TMEM132D: variants seen among roughly 807,000 people sequenced by gnomAD.
TMEM132D encodes transmembrane protein 132D, also known as mature OL transmembrane protein.
TMEM132D carries 21 observed loss-of-function variants against 62.3 expected under a neutral mutation model. The observed-to-expected ratio is 0.34, with a 90% confidence interval of 0.24 to 0.49. The LOEUF is 0.49. TMEM132D is among the 20% of genes least tolerant of loss of function. The pLI, the probability that TMEM132D is intolerant of heterozygous loss-of-function variation, is 0.99. For missense variants in TMEM132D, 1,346 were observed against 1,402.8 expected (o/e 0.96, Z 0.65); for synonymous variants, 621 against 575.6 (o/e 1.08, Z -1.13).
At chr12:129,184,667 G>C (rs951594784) in intron 5 of TMEM132D, among the ~76,000 whole-genome samples, 4 of 152,234 alleles carry the variant, frequency 2.6e-5, no homozygotes, top group Non-Finnish European at 4.4e-5. Context: ...TACAACTTGC[G>C]CTCTGGCGCC....
At chr12:129,890,604 A>G (rs528029612) in intron 1 of TMEM132D, among the ~76,000 whole-genome samples, 1 of 152,328 alleles carries the variant, frequency 6.6e-6, no homozygotes, top group East Asian at 1.9e-4. Flanking sequence ...AGAGATTTCT[A>G]AAGAGTTACA....
chr12:129,481,430 T>C (rs1593030927), intron 3 of TMEM132D, among the ~76,000 whole-genome samples: 1 of 141,600 alleles, frequency 7.1e-6, no homozygotes, highest in Admixed American at 7.5e-5. Flanking sequence ...ACCACTGCAC[T>C]CCAGCCCGGG....
At chr12:129,672,153 A>G (rs1593114236) in intron 2 of TMEM132D, among the ~76,000 whole-genome samples, 1 of 152,224 alleles carries the variant, frequency 6.6e-6, no homozygotes, top group African/African-American at 2.4e-5. Flanking sequence ...GTTGGTAAGC[A>G]CCAAGCCAGC....
chr12:129,332,584 T>C (rs1389886173), intron 4 of TMEM132D, among the ~76,000 whole-genome samples: 1 of 152,216 alleles, frequency 6.6e-6, no homozygotes, highest in Non-Finnish European at 1.5e-5. Context: ...ATCTACTTAC[T>C]TAGTTGTGCT....
intron 3 of TMEM132D, among the ~76,000 whole-genome samples, chr12:129,507,722 G>T (rs551401256): frequency 2.0e-5 from 3 of 152,080 alleles, no homozygotes; most frequent in Non-Finnish European, 2.9e-5. Context: ...GGGTAGGAAG[G>T]GGGTGAAGGA....
At chr12:129,760,399 T>C (rs1361349176) in intron 1 of TMEM132D, among the ~76,000 whole-genome samples, 4 of 144,010 alleles carry the variant, frequency 2.8e-5, no homozygotes, top group Non-Finnish European at 6.0e-5. Context: ...TGGCGCGATC[T>C]CGGCTCACTG....
At position 129,515,680 on chromosome 12, in the gene TMEM132D, G is replaced by C. The variant is rs934097992; in HGVS notation, c.1115+15379C>G. ...AATACCCTCATTCCAGAGGGGTCCT[G>C]CCCTATATCTGAAGGCCAGGGGGAA... On this transcript the variant is annotated intron_variant, in intron 3 of 8. Transcript: ENST00000422113. Among the ~76,000 whole-genome samples the C allele has an allele frequency of 3.3e-5, 5 of 152,136 alleles. 1 individual carries two copies. Among genetic ancestry groups the C allele is most frequent in the Admixed American group, 2.0e-4 (3 of 15,284 alleles).
At chr12:129,132,473 C>T (rs546122190) in intron 5 of TMEM132D, among the ~76,000 whole-genome samples, 1 of 152,302 alleles carries the variant, frequency 6.6e-6, no homozygotes, top group South Asian at 2.1e-4. Context: ...CACTTGAGAT[C>T]TACTCTCTTA....
At chr12:129,524,481 T>C (rs567263465) in intron 3 of TMEM132D, among the ~76,000 whole-genome samples, 2 of 152,324 alleles carry the variant, frequency 1.3e-5, no homozygotes, top group East Asian at 3.9e-4. Context: ...TCATAATTGC[T>C]GCATAAAATT....
intron 2 of TMEM132D, among the ~76,000 whole-genome samples, chr12:129,666,949 G>C (rs628439): frequency 0.76 from 115,918 of 152,096 alleles, 44,550 homozygotes; most frequent in East Asian, 0.85. Flanking sequence ...TTAGAGTAAC[G>C]GGACAAAACT....
intron 3 of TMEM132D, among the ~76,000 whole-genome samples, chr12:129,452,884 A>G (rs534279493): frequency 2.0e-5 from 3 of 152,256 alleles, no homozygotes; most frequent in South Asian, 2.1e-4. Flanking sequence ...TGTATCCCCA[A>G]TCTTAGTATA....
In TMEM132D at chr12:129,393,164, C is replaced by T. The variant is rs114464309; in HGVS notation, c.1116-55347G>A. Among the ~76,000 whole-genome samples, 409 of 152,324 alleles carry T rather than the reference C, an allele frequency of 2.7e-3. 4 individuals are homozygous for T. Among genetic ancestry groups the T allele is most frequent in the African/African-American group, 9.2e-3 (384 of 41,562 alleles). On this transcript the variant is annotated intron_variant, in intron 3 of 8. Transcript: ENST00000422113. ...TAGGCCAGTCAAAGCTTTATCTGTG[C>T]AGCAAATTCAGCCCGTGGCTAGAAA...
At chr12:129,744,644 A>T (rs918435972) in intron 1 of TMEM132D, among the ~76,000 whole-genome samples, 4 of 152,132 alleles carry the variant, frequency 2.6e-5, no homozygotes, top group Non-Finnish European at 5.9e-5. Flanking sequence ...TCAGGCACAC[A>T]CCCTGGACTG....
At chr12:129,317,158 T>C (rs116194932) in intron 4 of TMEM132D, among the ~76,000 whole-genome samples, 3,442 of 152,328 alleles carry the variant, frequency 0.023, 145 homozygotes, top group African/African-American at 0.075. Flanking sequence ...ACCCTCGCAT[T>C]CATCATGCTC....
chr12:129,336,532 A>G (rs2135656244), intron 4 of TMEM132D, among the ~76,000 whole-genome samples: 1 of 151,970 alleles, frequency 6.6e-6, no homozygotes, highest in Non-Finnish European at 1.5e-5. Flanking sequence ...AGATCGCACC[A>G]CCGCACTCCA....
At chr12:129,511,756 A>T (rs1468895284) in intron 3 of TMEM132D, among the ~76,000 whole-genome samples, 2 of 152,186 alleles carry the variant, frequency 1.3e-5, no homozygotes, top group African/African-American at 4.8e-5. Context: ...TGGGCTGCAA[A>T]ATCAGTTTTA....
intron 5 of TMEM132D, among the ~76,000 whole-genome samples, chr12:129,108,351 G>A (rs1029920566): frequency 2.6e-5 from 4 of 152,164 alleles, no homozygotes; most frequent in African/African-American, 9.7e-5. Context: ...ATTTTGGCAG[G>A]TGGGGCCGAG....
intron 5 of TMEM132D, among the ~76,000 whole-genome samples, chr12:129,207,359 A>C (rs929468420): frequency 6.6e-6 from 1 of 152,222 alleles, no homozygotes; most frequent in Non-Finnish European, 1.5e-5. Flanking sequence ...CAGAAGATGA[A>C]TACAACAAAC....
Position 129,073,984 on chromosome 12 carries a change from G to C in TMEM132D, c.3191C>G (p.Ser1064Cys), listed in dbSNP as rs1470604063. The change falls in exon 9 of 9, where the codon TCC becomes TGC. Residue 1064 changes from serine (S) to cysteine (C), a missense_variant. By Grantham distance (112) the Ser-to-Cys change is moderately radical. Transcript: ENST00000422113. ...GTCATCCTCGCTACTCATCACGATG[G>C]AGTTCCTGGTGGGGTACTCGTCGTC... ...SSDDEYPTRNSIVMSSEDDIK... is the reference protein window; with the variant it reads ...SSDDEYPTRNCIVMSSEDDIK... The C allele has an allele frequency of 1.2e-6, 2 of 1,613,790 alleles. No homozygotes were observed. Among genetic ancestry groups the C allele is most frequent in the African/African-American group, 2.7e-5 (2 of 74,888 alleles).
Sources: gnomAD v4.1 joint callset for allele counts (sites outside exome capture counted in the v4.1 genomes callset) on GRCh38, gnomAD v4.1.1 for gene constraint, MANE v1.5 for transcripts, NCBI Gene and HGNC (gene_info 2026-07-23, HGNC 2026-07-21) for gene names.